Variants in IL10RA observed in about 807,000 individuals in gnomAD.
IL10RA encodes interleukin-10 receptor subunit alpha.
IL10RA carries 18 observed loss-of-function variants against 29.6 expected under a neutral mutation model. The ratio of observed to expected loss-of-function variants is 0.61; its 90% CI spans 0.42 to 0.90. The LOEUF is 0.90. IL10RA is among the 40% of genes least tolerant of loss of function. The pLI is 0.00. For synonymous variants in IL10RA, 292 were observed against 294.1 expected (o/e 0.99, Z 0.07); for missense variants, 634 against 716.6 (o/e 0.88, Z 1.32).
At chr11:117,991,898 C>G (rs763727378) in intron 3 of IL10RA, among the ~76,000 whole-genome samples, 1 of 152,078 alleles carries the variant, frequency 6.6e-6, no homozygotes, top group Non-Finnish European at 1.5e-5. Flanking sequence ...CCATGCCCGG[C>G]TAATTTTTGT....
At chr11:117,997,009 G>A (rs1345245716) in intron 6 of IL10RA, among the ~76,000 whole-genome samples, 1 of 152,208 alleles carries the variant, frequency 6.6e-6, no homozygotes, top group African/African-American at 2.4e-5. Flanking sequence ...ATAATGCACA[G>A]AGCACTGACA....
chr11:117,993,404 C>G lies in IL10RA; in HGVS notation c.531C>G (p.Asn177Lys). 1 of 1,614,088 alleles carries G rather than the reference C, an allele frequency of 6.2e-7. No homozygotes were observed. Among genetic ancestry groups the G allele is most frequent in the Non-Finnish European group, 8.5e-7 (1 of 1,179,932 alleles). ...YEIAIRKVPGNFTFTHKKVKH... is the reference protein window; with the variant it reads ...YEIAIRKVPGKFTFTHKKVKH... ...TTGCCATTCGCAAGGTGCCGGGAAA[C>G]TTCACGGTATGGGGTTCCCCAAGGC... The change falls in exon 4 of 7, where the codon AAC becomes AAG. Residue 177 changes from asparagine (N) to lysine (K), a missense_variant. Asn to Lys is a moderately conservative substitution (Grantham distance 94). Coordinates refer to ENST00000227752, the MANE Select transcript of IL10RA (RefSeq NM_001558.4).
intron 3 of IL10RA, among the ~76,000 whole-genome samples, chr11:117,991,637 T>C (rs1325206567): frequency 6.6e-6 from 1 of 152,250 alleles, no homozygotes; most frequent in Non-Finnish European, 1.5e-5. Context: ...ACTTAGATTC[T>C]ATACATAAGT....
At chr11:118,002,899 G>A (rs2058104377), downstream of IL10RA, 2 of 152,318 alleles carry the variant, frequency 1.3e-5, no homozygotes, top group East Asian at 1.9e-4. Context: ...CTCCTTCAAG[G>A]GCTTTTCCAA....
intron 5 of IL10RA, chr11:117,995,275 C>T (rs1052170634): frequency 2.4e-6 from 1 of 410,152 alleles, no homozygotes; most frequent in African/African-American, 2.0e-5. Context: ...ATCTAGCAGC[C>T]CCCGGAGCCT....
chr11:117,999,770 GCCCC>G lies in IL10RA; in HGVS notation c.*130_*133del. 2.4e-6 allele frequency: 2 copies of G among 837,158 alleles called. No individual in the cohort carries two copies. The highest frequency in any genetic ancestry group is 3.9e-6 in the Non-Finnish European group (2 of 506,656). 51.9% of individuals were successfully genotyped at this position (837,158 alleles called of 1,614,324 possible). A position where few individuals can be genotyped will look rare whatever the true frequency, so the allele number is the denominator to read the frequency against. On this transcript the variant is annotated 3_prime_UTR_variant, in exon 7 of 7. Coordinates refer to ENST00000227752, the MANE Select transcript of IL10RA (RefSeq NM_001558.4). ...CTTTTCTGCAAGTCCACTGGGGCTG[GCCCC>G]AGCCAGGCCCTGCAGGGCTGGTCAG...
intron 6 of IL10RA, among the ~76,000 whole-genome samples, 193 bp downstream of exon 6, chr11:117,995,903 C>T (rs1440275750): frequency 6.6e-6 from 1 of 152,154 alleles, no homozygotes; most frequent in South Asian, 2.1e-4. Flanking sequence ...AAGCCCAGTA[C>T]CGAGAATGTT....
Position 117,999,690 on chromosome 11 carries a change from C to A in IL10RA, c.*49C>A. On this transcript the variant is annotated 3_prime_UTR_variant, in exon 7 of 7. Coordinates refer to ENST00000227752, the MANE Select transcript of IL10RA (RefSeq NM_001558.4). ...ATTTTAGCCATGCCTGCTCCTCTGCCTGGACCAGGAGGAGGGCCCCTGGGG... is the reference window on the plus strand; with the variant it reads ...ATTTTAGCCATGCCTGCTCCTCTGCATGGACCAGGAGGAGGGCCCCTGGGG... 2 of 1,537,498 alleles carry A rather than the reference C, an allele frequency of 1.3e-6. No individual in the cohort carries two copies. The highest frequency in any genetic ancestry group is 1.8e-6 in the Non-Finnish European group (2 of 1,113,616).
In IL10RA at chr11:117,988,303, C is replaced by T; in HGVS notation, c.68-79C>T. The T allele has an allele frequency of 2.5e-6, 4 of 1,590,556 alleles. 1 individual carries two copies. The South Asian group carries it at 4.4e-5, about 18-fold the overall frequency. ...GGCGAGTCATAGCCTCTCTGAACCT[C>T]CCTTTCTTCTTTGGTAAAATTGGGG... is the stretch of plus-strand genomic sequence containing the variant. On this transcript the variant is annotated intron_variant, in intron 1 of 6. Coordinates refer to ENST00000227752, the MANE Select transcript of IL10RA (RefSeq NM_001558.4).
In IL10RA at chr11:118,000,892, G is replaced by A. The variant is rs1374046776; in HGVS notation, c.*1251G>A. On this transcript the variant is annotated 3_prime_UTR_variant, in exon 7 of 7. Transcript: ENST00000227752. The stretch of plus-strand genomic sequence containing the variant: ...GTATCAGACACAGCCCCAGAAGGGG[G>A]CATTATGGGCCCTGCCTCCCCATAG... The A allele has an allele frequency of 2.2e-6, 1 of 454,272 alleles. No homozygotes were observed. The highest frequency in any genetic ancestry group is 1.6e-5 in the South Asian group (1 of 64,478). 28.1% of individuals were successfully genotyped at this position (454,272 alleles called of 1,614,324 possible).
chr11:117,994,151 T>C lies in IL10RA; in HGVS notation c.688+2T>C. On this transcript the variant is annotated splice_donor_variant, in intron 5 of 6. Coordinates refer to ENST00000227752, the MANE Select transcript of IL10RA (RefSeq NM_001558.4). LOFTEE classifies it high-confidence loss of function. ...AGTGCATCTCCCTCACCAGGCAGTG[T>C]GAGTCAGCTGGGCTGCTCTCAGCAT... 6.2e-7 allele frequency: 1 copy of C among 1,613,762 alleles called. No individual in the cohort carries two copies. Among genetic ancestry groups the C allele is most frequent in the Non-Finnish European group, 8.5e-7 (1 of 1,179,822 alleles).
In IL10RA at chr11:117,989,712, C is replaced by T. The variant is rs2058010102; in HGVS notation, c.367+92C>T. ...AGCTTTTCTGTCTATTACCATAGCT[C>T]ACCATGTCTGCCAGCCTCCCTGGCC... On this transcript the variant is annotated intron_variant, in intron 3 of 6. Transcript: ENST00000227752. The surrounding 1 kb of genome is among the most constrained non-coding windows in gnomAD (Gnocchi z 4.5). 3 of 1,302,444 alleles carry T rather than the reference C, an allele frequency of 2.3e-6. No homozygotes were observed. The highest frequency in any genetic ancestry group is 1.5e-5 in the African/African-American group (1 of 68,672). The allele number at this position is 1,302,444 out of a possible 1,614,324, so 80.7% of individuals were successfully genotyped here.
chr11:117,991,881 C>A (rs752162089), intron 3 of IL10RA, among the ~76,000 whole-genome samples: 71 of 152,192 alleles, frequency 4.7e-4, no homozygotes, highest in Non-Finnish European at 7.2e-4. Flanking sequence ...ATTACAGGCA[C>A]GTGCCACCAT....
rs904962180 is a variant in IL10RA at position 117,989,217 on chromosome 11, G to A, written c.189-225G>A. The stretch of plus-strand genomic sequence containing the variant: ...ATTTCTGGAAGAGCTGGGCCTACTC[G>A]TATTCCTATCTAAAAATCTGCTAGA... On this transcript the variant is annotated intron_variant, in intron 2 of 6. Transcript: ENST00000227752. The surrounding 1 kb of genome is among the most constrained non-coding windows in gnomAD (Gnocchi z 4.5). Among the ~76,000 whole-genome samples, 3 of 152,226 alleles carry A rather than the reference G, an allele frequency of 2.0e-5. No individual in the cohort carries two copies. Among genetic ancestry groups the A allele is most frequent in the African/African-American group, 7.2e-5 (3 of 41,464 alleles).
At chr11:118,002,017 A>C, downstream of IL10RA, 1 of 154,932 alleles carries the variant, frequency 6.5e-6, no homozygotes, top group Non-Finnish European at 1.4e-5. Context: ...AAGACAGCAA[A>C]CTGGGCCTCC....
chr11:117,994,103 C>A lies in IL10RA; in HGVS notation c.642C>A (p.Asn214Lys), dbSNP rs2058041239. 1.2e-6 allele frequency: 2 copies of A among 1,614,004 alleles called. No individual in the cohort carries two copies. The highest frequency in any genetic ancestry group is 2.7e-5 in the African/African-American group (2 of 74,912). ...AACCATCTGTCGCTTCCCGAAGTAA[C>A]AAGGGGATGTGGTCTAAAGAGGAGT... ...QVKPSVASRSNKGMWSKEECI... is the reference protein window; with the variant it reads ...QVKPSVASRSKKGMWSKEECI... The change falls in exon 5 of 7, where the codon AAC becomes AAA. Residue 214 changes from asparagine (N) to lysine (K), a missense_variant. Physicochemically the swap from Asn to Lys is moderately conservative, Grantham distance 94 (BLOSUM62 0). Coordinates refer to ENST00000227752, the MANE Select transcript of IL10RA (RefSeq NM_001558.4).
intron 2 of IL10RA, 25 bp downstream of exon 2, chr11:117,988,527 G>T: frequency 6.2e-7 from 1 of 1,613,190 alleles, no homozygotes; most frequent in South Asian, 1.1e-5. Context: ...AGAGGGAGGG[G>T]GAGGGAGGAG....
At chr11:118,002,536 C>G (rs2058102244), downstream of IL10RA, 1 of 152,122 alleles carries the variant, frequency 6.6e-6, no homozygotes, top group African/African-American at 2.4e-5. Context: ...GGAAAAGGCC[C>G]CTAAGGTCTA....
Position 117,999,647 on chromosome 11 carries a change from G to A in IL10RA, c.*6G>A, listed in dbSNP as rs2058081190. The A allele has an allele frequency of 6.2e-7, 1 of 1,611,990 alleles. No individual in the cohort carries two copies. The highest frequency in any genetic ancestry group is 8.5e-7 in the Non-Finnish European group (1 of 1,178,390). Reference sequence around the variant, plus strand: ...GCCTGCAGTCAAGTGAGTGACTCGGGCTGAGAGGCTGCTTTTGATTTTAGC... The same window carrying A: ...GCCTGCAGTCAAGTGAGTGACTCGGACTGAGAGGCTGCTTTTGATTTTAGC... On this transcript the variant is annotated 3_prime_UTR_variant, in exon 7 of 7. Coordinates refer to ENST00000227752, the MANE Select transcript of IL10RA (RefSeq NM_001558.4).
Sources: gnomAD v4.1 joint callset for allele counts (sites outside exome capture counted in the v4.1 genomes callset) on GRCh38, gnomAD v4.1.1 for gene constraint, Gnocchi (gnomAD v3.1) non-coding constraint, MANE v1.5 for transcripts, NCBI Gene and HGNC (gene_info 2026-07-23, HGNC 2026-07-21) for gene names.